The following IRAK1BP1 variants were observed in gnomAD, a reference collection of about 807,000 sequenced individuals.
IRAK1BP1 encodes the protein interleukin-1 receptor-associated kinase 1-binding protein 1.
IRAK1BP1 carries 24 observed loss-of-function variants against 28.0 expected under a neutral mutation model. The observed-to-expected ratio is 0.86, with a 90% CI of 0.62 to 1.20. The LOEUF is 1.20. IRAK1BP1 is among the 50% of genes most tolerant of loss of function. The probability of loss-of-function intolerance (pLI) is 0.00; values close to 1 mark genes in which losing one functional copy is unlikely to be tolerated. For missense variants in IRAK1BP1, 336 were observed against 316.7 expected, an observed-to-expected ratio of 1.06 and a Z score of -0.46; for synonymous variants, 131 against 116.3, an observed-to-expected ratio of 1.13 and a Z score of -0.81.
chr6:78,955,593 A>C, the IRAK1BP1 span: 1 of 777,472 alleles, frequency 1.3e-6, no homozygotes, highest in Admixed American at 2.2e-5. Flanking sequence ...ATATGGTAAT[A>C]ATAATGAAAT....
At chr6:78,918,613 G>C (rs963582844) in intron 4 of IRAK1BP1, among the ~76,000 whole-genome samples, 1 of 123,014 alleles carries the variant, frequency 8.1e-6, no homozygotes, top group Non-Finnish European at 1.7e-5. Flanking sequence ...GACAAAGAAG[G>C]GTGTTACATA....
At chr6:78,937,020 T>C (rs576870228) in intron 4 of IRAK1BP1, 3 of 151,944 alleles carry the variant, frequency 2.0e-5, no homozygotes, top group African/African-American at 7.2e-5. Context: ...TTAGAAATAC[T>C]TTTTAGGTTA....
the IRAK1BP1 span, among the ~76,000 whole-genome samples, chr6:78,964,594 G>C: frequency 6.6e-6 from 1 of 152,152 alleles, no homozygotes; most frequent in African/African-American, 2.4e-5. Context: ...CCAGGTTCAA[G>C]TAATTTTCCT....
chr6:78,942,484 AAAAACAAAAC>A (rs1012976452), intron 4 of IRAK1BP1, among the ~76,000 whole-genome samples: 5 of 152,182 alleles, frequency 3.3e-5, no homozygotes, highest in South Asian at 2.1e-4. Flanking sequence ...ACTCCATCTC[AAAAACAAAAC>A]AAAACAAAAC....
chr6:78,972,368 AC>A, the IRAK1BP1 span, among the ~76,000 whole-genome samples: 2 of 152,122 alleles, frequency 1.3e-5, no homozygotes, highest in South Asian at 2.1e-4. Flanking sequence ...CACATCAAAA[AC>A]CCATCTGTAC....
At chr6:78,941,028 G>A (rs1773474834) in intron 4 of IRAK1BP1, 1 of 1,613,684 alleles carries the variant, frequency 6.2e-7, no homozygotes, top group African/African-American at 1.3e-5. Flanking sequence ...CTACCTCCAC[G>A]ATTCTTTTTC....
chr6:78,938,423 C>G (rs1410727856), intron 4 of IRAK1BP1: 1 of 151,632 alleles, frequency 6.6e-6, no homozygotes, highest in African/African-American at 2.4e-5. Context: ...TTTCTGTACA[C>G]AACTTAAAAC....
In IRAK1BP1 at chr6:78,867,612, C is replaced by G. The variant is rs919551752; in HGVS notation, c.36C>G (p.Phe12Leu). ...SLQKTPPTRVFVELVPWADRS... is the reference protein window; with the variant it reads ...SLQKTPPTRVLVELVPWADRS... ...AAAAGACCCCTCCGACCCGAGTGTT[C>G]GTGGAACTGGTTCCCTGGGCTGACC... The change falls in exon 1 of 4, where the codon TTC becomes TTG. Residue 12 changes from phenylalanine to leucine, a missense_variant. By Grantham distance (22) the Phe-to-Leu change is conservative. Transcript: ENST00000369940. 1 of 1,614,208 alleles carries G rather than the reference C, an allele frequency of 6.2e-7. No individual in the cohort carries two copies. The highest frequency in any genetic ancestry group is 8.5e-7 in the Non-Finnish European group (1 of 1,180,024).
intron 1 of IRAK1BP1, among the ~76,000 whole-genome samples, chr6:78,877,527 A>G (rs777891182): frequency 2.6e-5 from 4 of 152,234 alleles, no homozygotes; most frequent in Non-Finnish European, 5.9e-5. Context: ...AAGATGGCCA[A>G]ATAGGAACAG....
chr6:78,892,896 A>G (rs2127651240), intron 2 of IRAK1BP1, among the ~76,000 whole-genome samples: 1 of 152,310 alleles, frequency 6.6e-6, no homozygotes, highest in African/African-American at 2.4e-5. Flanking sequence ...GAAAGATGTA[A>G]AAACGAGTTA....
the IRAK1BP1 span, chr6:78,970,119 G>C: frequency 1.2e-6 from 2 of 1,612,312 alleles, no homozygotes; most frequent in South Asian, 2.2e-5. Flanking sequence ...AGGCAGCAAA[G>C]GGTAGGTAAT....
At chr6:78,877,730 C>G (rs574284929) in intron 1 of IRAK1BP1, among the ~76,000 whole-genome samples, 1 of 152,290 alleles carries the variant, frequency 6.6e-6, no homozygotes, top group South Asian at 2.1e-4. Flanking sequence ...TCGGGGAATT[C>G]CCTTTCCTAG....
At chr6:78,966,043 C>T in the IRAK1BP1 span, 1 of 1,612,142 alleles carries the variant, frequency 6.2e-7, no homozygotes, top group Non-Finnish European at 8.5e-7. Flanking sequence ...CTATGACAGA[C>T]CTGAAGCGGT....
chr6:78,939,727 A>T (rs1167400695), intron 4 of IRAK1BP1: 1 of 152,028 alleles, frequency 6.6e-6, no homozygotes, highest in Non-Finnish European at 1.5e-5. Flanking sequence ...GTAAACATCA[A>T]ATCCCATACC....
chr6:78,955,674 G>T, the IRAK1BP1 span: 1 of 1,047,620 alleles, frequency 9.5e-7, no homozygotes, highest in Non-Finnish European at 1.5e-6. Context: ...GTTATAACAA[G>T]TCTGATCCCT....
intron 4 of IRAK1BP1, among the ~76,000 whole-genome samples, chr6:78,929,005 T>G (rs1393659437): frequency 6.6e-6 from 1 of 152,192 alleles, no homozygotes; most frequent in African/African-American, 2.4e-5. Context: ...GGTTTTGGTA[T>G]TAGGGGAATA....
intron 4 of IRAK1BP1, among the ~76,000 whole-genome samples, chr6:78,933,891 A>G (rs975093756): frequency 1.1e-4 from 16 of 151,958 alleles, no homozygotes; most frequent in Admixed American, 6.6e-5. Context: ...TCCTTCAATG[A>G]CTTTTCCTTT....
intron 1 of IRAK1BP1, among the ~76,000 whole-genome samples, chr6:78,875,031 T>C (rs1029712053): frequency 6.6e-6 from 1 of 151,888 alleles, no homozygotes; most frequent in Non-Finnish European, 1.5e-5. Flanking sequence ...CTATAAGGAA[T>C]AAGCAGGAAA....
At chr6:78,965,984 A>G in the IRAK1BP1 span, 467,724 of 1,610,650 alleles carry the variant, frequency 0.29, 70,314 homozygotes, top group Admixed American at 0.32. Flanking sequence ...AGGGTACTCA[A>G]GTTGAAGAGG....
Sources: gnomAD v4.1 joint callset for allele counts (sites outside exome capture counted in the v4.1 genomes callset) on GRCh38, gnomAD v4.1.1 for gene constraint, MANE v1.5 for transcripts, NCBI Gene and HGNC (gene_info 2026-07-23, HGNC 2026-07-21) for gene names.